GPC5: variants seen among roughly 807,000 people sequenced by gnomAD.
The protein encoded by GPC5 is glypican-5.
In GPC5, 47 loss-of-function variants were observed where a neutral mutation model predicts 53.9. That is an observed-to-expected ratio of 0.87 (90% CI 0.69 to 1.11). The LOEUF (loss-of-function observed/expected upper bound fraction) is 1.11. GPC5 is among the 50% of genes most tolerant of loss of function. GPC5 has a pLI of 0.00. For missense variants in GPC5, 748 were observed against 713.1 expected (o/e 1.05, Z -0.56); for synonymous variants, 286 against 263.3 (o/e 1.09, Z -0.84).
intron 6 of GPC5, among the ~76,000 whole-genome samples, chr13:92,110,734 A>G (rs374495326): frequency 4.6e-5 from 7 of 152,338 alleles, no homozygotes; most frequent in Admixed American, 2.6e-4. Flanking sequence ...CTTGACCTCA[A>G]TATTCTAACT....
intron 7 of GPC5, among the ~76,000 whole-genome samples, chr13:92,767,804 C>T (rs999033973): frequency 2.0e-5 from 3 of 152,168 alleles, no homozygotes; most frequent in Non-Finnish European, 2.9e-5. Context: ...AGTGGAACTA[C>T]CCATCTGTGT....
At chr13:92,769,638 G>GGT (rs1875537023) in intron 7 of GPC5, among the ~76,000 whole-genome samples, 1 of 152,142 alleles carries the variant, frequency 6.6e-6, no homozygotes, top group Non-Finnish European at 1.5e-5. Flanking sequence ...TGCAATGAAT[G>GGT]ATAAACACAA....
intron 7 of GPC5, among the ~76,000 whole-genome samples, chr13:92,721,815 A>G (rs1182469183): frequency 6.6e-6 from 1 of 151,988 alleles, no homozygotes; most frequent in Non-Finnish European, 1.5e-5. Context: ...GGGGTTCATA[A>G]AAGTCACCTC....
At chr13:92,012,685 A>G (rs555941577) in intron 6 of GPC5, among the ~76,000 whole-genome samples, 93 of 152,354 alleles carry the variant, frequency 6.1e-4, no homozygotes, top group Non-Finnish European at 1.1e-3. Context: ...CTGGATTCCA[A>G]TCTATGAATT....
chr13:92,042,461 T>C (rs2040949332), intron 6 of GPC5, among the ~76,000 whole-genome samples: 1 of 151,930 alleles, frequency 6.6e-6, no homozygotes, highest in African/African-American at 2.4e-5. Flanking sequence ...GGGTGATCCC[T>C]GAGTTACCTG....
Position 92,313,790 on chromosome 13 carries a change from C to A in GPC5, c.1561+168801C>A, listed in dbSNP as rs189829297. Among the ~76,000 whole-genome samples the A allele has an allele frequency of 3.5e-3, 540 of 152,308 alleles. 5 individuals are homozygous for A. The highest frequency in any genetic ancestry group is 0.012 in the African/African-American group (503 of 41,570). On this transcript the variant is annotated intron_variant, in intron 7 of 7. Transcript: ENST00000377067. ...TAATGTCTAAATATCCTAATCTGGGCCCAGGAAGGGGTCCTGTTTAGACAC... is the reference window on the plus strand; with the variant it reads ...TAATGTCTAAATATCCTAATCTGGGACCAGGAAGGGGTCCTGTTTAGACAC...
intron 6 of GPC5, among the ~76,000 whole-genome samples, chr13:91,957,393 A>G (rs2040083515): frequency 6.6e-6 from 1 of 152,224 alleles, no homozygotes. Context: ...GGAAAGGAAT[A>G]GAAAACCTAT....
At chr13:92,500,893 G>T (rs1416112152) in intron 7 of GPC5, among the ~76,000 whole-genome samples, 2 of 152,150 alleles carry the variant, frequency 1.3e-5, no homozygotes, top group East Asian at 3.9e-4. Context: ...GAAGACCAGA[G>T]AATTGGAAAC....
At chr13:92,680,538 C>G (rs1434427961) in intron 7 of GPC5, among the ~76,000 whole-genome samples, 1 of 152,018 alleles carries the variant, frequency 6.6e-6, no homozygotes, top group Non-Finnish European at 1.5e-5. Context: ...ATAAATTGCT[C>G]TAAAGACAAA....
chr13:92,505,326 A>G (rs1880329993), intron 7 of GPC5, among the ~76,000 whole-genome samples: 1 of 152,030 alleles, frequency 6.6e-6, no homozygotes, highest in Non-Finnish European at 1.5e-5. Context: ...TGTTTCACGA[A>G]AGAAGACATG....
intron 7 of GPC5, among the ~76,000 whole-genome samples, chr13:92,675,687 G>A (rs1397700950): frequency 6.6e-6 from 1 of 151,782 alleles, no homozygotes; most frequent in Non-Finnish European, 1.5e-5. Flanking sequence ...GAATCTTATA[G>A]TTTACTTAGC....
At chr13:92,115,539 T>C (rs1396102391) in intron 6 of GPC5, among the ~76,000 whole-genome samples, 1 of 152,124 alleles carries the variant, frequency 6.6e-6, no homozygotes, top group Non-Finnish European at 1.5e-5. Flanking sequence ...TCCCTCATCC[T>C]ATCCCTTTCT....
At chr13:92,128,073 T>C (rs564895124) in intron 6 of GPC5, among the ~76,000 whole-genome samples, 2 of 152,308 alleles carry the variant, frequency 1.3e-5, no homozygotes, top group African/African-American at 4.8e-5. Flanking sequence ...TCCTTTGATA[T>C]TTACCTTCTT....
At chr13:91,645,836 T>G (rs2034545358) in intron 2 of GPC5, among the ~76,000 whole-genome samples, 1 of 152,176 alleles carries the variant, frequency 6.6e-6, no homozygotes, top group African/African-American at 2.4e-5. Flanking sequence ...TGATTCAGCA[T>G]ATCTGGGGGA....
At chr13:92,115,206 ATTAAAAT>A (rs2041590621) in intron 6 of GPC5, among the ~76,000 whole-genome samples, 5 of 150,796 alleles carry the variant, frequency 3.3e-5, no homozygotes, top group Admixed American at 2.6e-4. Context: ...CACCACCAAA[ATTAAAAT>A]TTAAAACAAT....
At chr13:91,497,516 G>T (rs1884342905) in intron 2 of GPC5, among the ~76,000 whole-genome samples, 1 of 152,130 alleles carries the variant, frequency 6.6e-6, no homozygotes, top group Non-Finnish European at 1.5e-5. Context: ...GTCACTTATT[G>T]ATTGCATTCA....
At chr13:92,590,704 T>C (rs1426323842) in intron 7 of GPC5, among the ~76,000 whole-genome samples, 4 of 152,252 alleles carry the variant, frequency 2.6e-5, no homozygotes, top group Admixed American at 2.0e-4. Context: ...AGGTTCAACA[T>C]TGTGTGTGTT....
At chr13:92,750,454 A>G (rs1488652430) in intron 7 of GPC5, among the ~76,000 whole-genome samples, 1 of 152,224 alleles carries the variant, frequency 6.6e-6, no homozygotes, top group East Asian at 1.9e-4. Flanking sequence ...GGAAAAGAAA[A>G]AAAATGAAAA....
intron 5 of GPC5, among the ~76,000 whole-genome samples, chr13:91,766,627 C>CTGAGGTGGGCAGAACACGAGG (rs1288441477): frequency 3.9e-5 from 6 of 152,156 alleles, no homozygotes; most frequent in African/African-American, 1.4e-4. Context: ...CTTCGGGAGG[C>CTGAGGTGGGCAGAACACGAGG]TGAGGTGGGC....
Sources: allele counts gnomAD v4.1 joint callset (sites outside exome capture counted in the v4.1 genomes callset), GRCh38; gene constraint gnomAD v4.1.1; transcripts MANE v1.5; gene names NCBI Gene and HGNC (gene_info 2026-07-23, HGNC 2026-07-21).